The following IL34 variants were observed in gnomAD, a reference collection of about 807,000 sequenced individuals.
IL34 encodes interleukin 34.
A neutral mutation model predicts 25.3 loss-of-function variants in IL34; 17 were observed. The observed-to-expected ratio is 0.67, with a 90% confidence interval of 0.46 to 1.01. IL34 has a LOEUF of 1.01. Among genes scored for constraint, IL34 ranks in the 50% least tolerant of loss-of-function variants. The pLI is 0.00. For synonymous variants in IL34, 174 were observed against 140.9 expected (o/e 1.23, Z -1.66); for missense variants, 368 against 312.9 (o/e 1.18, Z -1.33).
chr16:70,659,367 G>A (rs1262297447), intron 4 of IL34, among the ~76,000 whole-genome samples: 3 of 152,184 alleles, frequency 2.0e-5, no homozygotes, highest in East Asian at 3.9e-4. Context: ...CCTGGTCTAC[G>A]CCCTTTACTC....
chr16:70,652,898 T>TAAAAC (rs1161066087), intron 1 of IL34, among the ~76,000 whole-genome samples: 1 of 152,090 alleles, frequency 6.6e-6, no homozygotes, highest in African/African-American at 2.4e-5. Flanking sequence ...TAGTAATTGT[T>TAAAAC]AAAACGAAAT....
chr16:70,635,246 CAA>C (rs2051615105), intron 1 of IL34, among the ~76,000 whole-genome samples: 1 of 151,956 alleles, frequency 6.6e-6, no homozygotes, highest in African/African-American at 2.4e-5. Flanking sequence ...CCTGAGAACT[CAA>C]ACAGTGATTT....
intron 2 of IL34, 62 bp downstream of exon 2, chr16:70,654,733 C>T: frequency 3.9e-6 from 6 of 1,531,906 alleles, no homozygotes; most frequent in South Asian, 1.3e-5. Flanking sequence ...CTGGCATAGG[C>T]CTCTGGACAT....
intron 1 of IL34, among the ~76,000 whole-genome samples, chr16:70,635,872 A>T (rs2051630745): frequency 6.6e-6 from 1 of 152,138 alleles, no homozygotes; most frequent in Non-Finnish European, 1.5e-5. Flanking sequence ...CTGTATATAG[A>T]AATCCAGTAA....
intron 1 of IL34, among the ~76,000 whole-genome samples, chr16:70,634,947 T>A (rs1331189675): frequency 6.6e-6 from 1 of 152,192 alleles, no homozygotes; most frequent in Non-Finnish European, 1.5e-5. Context: ...TATTCCACTG[T>A]CTGATTATGG....
intron 1 of IL34, among the ~76,000 whole-genome samples, chr16:70,623,253 A>AGG (rs2051318439): frequency 6.6e-6 from 1 of 152,084 alleles, no homozygotes; most frequent in African/African-American, 2.4e-5. Flanking sequence ...ATGGGAGCAA[A>AGG]GGAATAGTAA....
intron 1 of IL34, among the ~76,000 whole-genome samples, chr16:70,612,388 C>G (rs1474101562): frequency 2.6e-5 from 4 of 151,674 alleles, no homozygotes; most frequent in African/African-American, 9.7e-5. Flanking sequence ...AAGGCCCAAG[C>G]TGGAATACGG....
intron 1 of IL34, among the ~76,000 whole-genome samples, chr16:70,619,874 A>C (rs1597751367): frequency 3.3e-5 from 5 of 152,014 alleles, no homozygotes; most frequent in South Asian, 2.1e-4. Flanking sequence ...CTTAGGAGGA[A>C]TCCCGGGCTG....
chr16:70,618,452 C>T (rs959327126), intron 1 of IL34, among the ~76,000 whole-genome samples: 2 of 151,774 alleles, frequency 1.3e-5, no homozygotes, highest in African/African-American at 4.8e-5. Context: ...AAATTATATG[C>T]GTCAGGTATG....
At chr16:70,638,362 C>T (rs892520349) in intron 1 of IL34, among the ~76,000 whole-genome samples, 5 of 151,764 alleles carry the variant, frequency 3.3e-5, no homozygotes, top group African/African-American at 1.2e-4. Context: ...ACCTATAGTC[C>T]CAGCAACTTG....
At chr16:70,631,002 A>G (rs2051506111) in intron 1 of IL34, among the ~76,000 whole-genome samples, 1 of 152,170 alleles carries the variant, frequency 6.6e-6, no homozygotes, top group Non-Finnish European at 1.5e-5. Context: ...TCTTTTGGGT[A>G]TATACCTGGC....
upstream of IL34, among the ~76,000 whole-genome samples, chr16:70,642,324 G>A (rs2051805217): frequency 7.0e-6 from 1 of 143,526 alleles, no homozygotes; most frequent in African/African-American, 2.6e-5. Context: ...TTGAGACGGA[G>A]TCTCACTCTG....
chr16:70,640,727 C>T (rs992653286), intron 1 of IL34, among the ~76,000 whole-genome samples: 1 of 151,774 alleles, frequency 6.6e-6, no homozygotes, highest in Non-Finnish European at 1.5e-5. Flanking sequence ...TATGGTAAAG[C>T]TCATCCTCTT....
upstream of IL34, among the ~76,000 whole-genome samples, chr16:70,644,111 A>G (rs2051850210): frequency 6.6e-6 from 1 of 152,134 alleles, no homozygotes; most frequent in African/African-American, 2.4e-5. Flanking sequence ...AGTAGCTGGG[A>G]TTACAGGCAT....
rs2052373261 is a variant in IL34, at chr16:70,660,289, G to A, written c.*102G>A. 1 of 1,097,270 alleles carries A rather than the reference G, an allele frequency of 9.1e-7. No individual in the cohort carries two copies. The highest frequency in any genetic ancestry group is 1.3e-6 in the Non-Finnish European group (1 of 789,044). 68.0% of individuals were successfully genotyped at this position (1,097,270 alleles called of 1,614,324 possible). ...GGGGTGGTGGTGGGAGCCCCCCTTG[G>A]GAGAGGACCCCTGGGAAGGGTGTTT... On this transcript the variant is annotated 3_prime_UTR_variant, in exon 6 of 6. Coordinates refer to ENST00000288098, the MANE Select transcript of IL34 (RefSeq NM_001393494.1).
At chr16:70,602,322 G>T (rs943550286) in intron 1 of IL34, among the ~76,000 whole-genome samples, 4 of 152,172 alleles carry the variant, frequency 2.6e-5, no homozygotes, top group Non-Finnish European at 2.9e-5. Flanking sequence ...TGCCAGCTGC[G>T]TGGCTTTAAG....
At chr16:70,633,889 C>T (rs1047571275) in intron 1 of IL34, among the ~76,000 whole-genome samples, 40 of 151,732 alleles carry the variant, frequency 2.6e-4, no homozygotes, top group Admixed American at 1.3e-3. Flanking sequence ...CTCGCATTGT[C>T]GCCCAGGCTG....
At chr16:70,594,543 G>C (rs1406590370) in intron 1 of IL34, among the ~76,000 whole-genome samples, 2 of 152,086 alleles carry the variant, frequency 1.3e-5, no homozygotes, top group Non-Finnish European at 2.9e-5. Context: ...GGTTCTTATG[G>C]GTCCTTCCAA....
intron 1 of IL34, among the ~76,000 whole-genome samples, chr16:70,618,507 A>G (rs1029870771): frequency 1.3e-5 from 2 of 152,166 alleles, no homozygotes; most frequent in Non-Finnish European, 2.9e-5. Flanking sequence ...GTAGAGAGTG[A>G]GTTGAGCATA....
Sources: allele counts gnomAD v4.1 joint callset (sites outside exome capture counted in the v4.1 genomes callset), GRCh38; gene constraint gnomAD v4.1.1; transcripts MANE v1.5; gene names NCBI Gene and HGNC (gene_info 2026-07-23, HGNC 2026-07-21).